Variants in HMCN1 observed in about 807,000 individuals in gnomAD.
HMCN1 encodes hemicentin 1, also known as hemicentin-1.
Under a neutral mutation model 625.9 loss-of-function variants are expected in HMCN1, and 321 were observed. The ratio of observed to expected loss-of-function variants is 0.51; its 90% CI spans 0.47 to 0.56. HMCN1 has a LOEUF of 0.56. HMCN1 is among the 20% of genes least tolerant of loss of function. The probability of loss-of-function intolerance (pLI) is 0.00; values close to 1 mark genes in which losing one functional copy is unlikely to be tolerated. For missense variants in HMCN1, 6,588 were observed against 6,887.3 expected, an observed-to-expected ratio of 0.96 and a Z score of 1.54; for synonymous variants, 2,425 against 2,417.6, an observed-to-expected ratio of 1.00 and a Z score of -0.09.
At chr1:185,874,979 G>T (rs951992159) in intron 4 of HMCN1, among the ~76,000 whole-genome samples, 2 of 151,564 alleles carry the variant, frequency 1.3e-5, no homozygotes, top group African/African-American at 4.8e-5. Flanking sequence ...ACAAATTAAT[G>T]CAGTAATATT....
At chr1:186,055,697 T>A (rs374362970) in intron 45 of HMCN1, 23 bp downstream of exon 45, 9 of 1,609,590 alleles carry the variant, frequency 5.6e-6, no homozygotes, top group Non-Finnish European at 7.6e-6. Context: ...AGGCTCAATA[T>A]GTCCATTCAC....
Position 186,016,968 on chromosome 1 carries a change from C to T in HMCN1, c.5197C>T (p.Pro1733Ser). The T allele has an allele frequency of 6.3e-7, 1 of 1,579,064 alleles. No homozygotes were observed. The highest frequency in any genetic ancestry group is 1.3e-5 in the African/African-American group (1 of 74,268). Residue 1733 changes from proline to serine, a missense_variant, in exon 33 of 107, where the codon CCA becomes TCA. Pro to Ser is a moderately conservative substitution (Grantham distance 74, BLOSUM62 -1). Transcript: ENST00000271588. ...ACATTCCTGTTGTTTTCTAGTGCCA[C>T]CAGCTATAGAAGGAGGAGATGAAAC... ...IKYEVDVLVP[P>S]AIEGGDETSY...
chr1:185,750,809 CTGT>C (rs4007591), intron 1 of HMCN1, among the ~76,000 whole-genome samples: 2,381 of 151,090 alleles, frequency 0.016, 62 homozygotes, highest in African/African-American at 0.055. Flanking sequence ...TCTTTTCCTA[CTGT>C]TGAGTTTTTT....
In HMCN1 at chr1:186,156,187, T is replaced by C. The variant is rs192247733; in HGVS notation, c.15256+2200T>C. On this transcript the variant is annotated intron_variant, in intron 97 of 106. Transcript: ENST00000271588. Reference sequence around the variant, plus strand: ...CAGAGTATCAGAAATTATGCAGGAATATATAAATTTAACTAACTACAGATA... The same window carrying C: ...CAGAGTATCAGAAATTATGCAGGAACATATAAATTTAACTAACTACAGATA... Among the ~76,000 whole-genome samples, 20 of 152,206 alleles carry C rather than the reference T, an allele frequency of 1.3e-4. No homozygotes were observed. In the East Asian group the frequency reaches 3.9e-3, roughly 29 times the overall value.
chr1:186,091,763 T>C (rs1316040486), intron 64 of HMCN1, among the ~76,000 whole-genome samples: 1 of 152,082 alleles, frequency 6.6e-6, no homozygotes, highest in Non-Finnish European at 1.5e-5. Flanking sequence ...ACTACATGTA[T>C]TGTAAACTTT....
intron 30 of HMCN1, 124 bp downstream of exon 30, chr1:186,007,406 A>AGCTCCTTCTTCTCTT: frequency 5.9e-6 from 5 of 848,906 alleles, no homozygotes; most frequent in Non-Finnish European, 9.5e-6. Context: ...CTTCAAGAGA[A>AGCTCCTTCTTCTCTT]GAAGGAGCTT....
In HMCN1 at chr1:185,994,802, T is replaced by C; in HGVS notation, c.3506-13T>C. ...TGAAAGTTGGATTATTAATACCCAGTTATTATTTCTAGTTCCTCCAAAGAT... is the reference window on the plus strand; with the variant it reads ...TGAAAGTTGGATTATTAATACCCAGCTATTATTTCTAGTTCCTCCAAAGAT... On this transcript the variant is annotated splice_polypyrimidine_tract_variant and intron_variant, in intron 23 of 106. Coordinates refer to ENST00000271588, the MANE Select transcript of HMCN1 (RefSeq NM_031935.3). 3 of 1,612,026 alleles carry C rather than the reference T, an allele frequency of 1.9e-6. No individual in the cohort carries two copies. The highest frequency in any genetic ancestry group is 2.5e-6 in the Non-Finnish European group (3 of 1,178,336).
At chr1:185,793,439 T>C (rs994964845) in intron 1 of HMCN1, among the ~76,000 whole-genome samples, 3 of 152,202 alleles carry the variant, frequency 2.0e-5, no homozygotes, top group Non-Finnish European at 4.4e-5. Flanking sequence ...AGGTCTCTTG[T>C]GATTACTTTG....
At chr1:185,939,825 C>A (rs890705387) in intron 11 of HMCN1, among the ~76,000 whole-genome samples, 3 of 151,858 alleles carry the variant, frequency 2.0e-5, no homozygotes, top group South Asian at 2.1e-4. Flanking sequence ...CACAAATTAA[C>A]AAATAATGCC....
At chr1:186,101,126 G>T (rs192068170) in intron 68 of HMCN1, among the ~76,000 whole-genome samples, 120 of 151,882 alleles carry the variant, frequency 7.9e-4, no homozygotes, top group African/African-American at 2.8e-3. Context: ...TAATCAGAAA[G>T]AAATCAGTAA....
chr1:186,043,758 C>T (rs1656364919), intron 40 of HMCN1, among the ~76,000 whole-genome samples: 1 of 152,104 alleles, frequency 6.6e-6, no homozygotes, highest in East Asian at 1.9e-4. Flanking sequence ...AATCTGTTTT[C>T]ATGGCATCTT....
rs548874568 is a variant in HMCN1 at position 186,153,461 on chromosome 1, A to T, written c.15019-289A>T. Among the ~76,000 whole-genome samples, 266 of 152,338 alleles carry T rather than the reference A, an allele frequency of 1.7e-3. 5 individuals carry two copies. Among genetic ancestry groups the T allele is most frequent in the Middle Eastern group, 6.8e-3 (2 of 294 alleles). On this transcript the variant is annotated intron_variant, in intron 96 of 106. Coordinates refer to ENST00000271588, the MANE Select transcript of HMCN1 (RefSeq NM_031935.3). Reference sequence around the variant, plus strand: ...TCCACATTCAGATCCTCATTCCGCCACTTTGTACCAATGTAATGATGAGAA... The same window carrying T: ...TCCACATTCAGATCCTCATTCCGCCTCTTTGTACCAATGTAATGATGAGAA...
At chr1:186,136,125 G>A (rs1362082258) in intron 86 of HMCN1, among the ~76,000 whole-genome samples, 1 of 151,954 alleles carries the variant, frequency 6.6e-6, no homozygotes, top group African/African-American at 2.4e-5. Flanking sequence ...GCAGTGAGCC[G>A]AGATTGTGCC....
intron 11 of HMCN1, among the ~76,000 whole-genome samples, chr1:185,956,286 C>T (rs973406186): frequency 2.0e-5 from 3 of 152,082 alleles, no homozygotes; most frequent in African/African-American, 4.8e-5. Flanking sequence ...CTAGATCCCA[C>T]AGATTGAAGG....
intron 4 of HMCN1, among the ~76,000 whole-genome samples, chr1:185,891,202 T>A (rs1665054683): frequency 7.3e-6 from 1 of 136,932 alleles, no homozygotes; most frequent in Non-Finnish European, 1.5e-5. Context: ...AGCCTATGTG[T>A]GTCTCAGCAC....
At chr1:185,883,555 G>C (rs1338003029) in intron 4 of HMCN1, among the ~76,000 whole-genome samples, 1 of 151,934 alleles carries the variant, frequency 6.6e-6, no homozygotes, top group Non-Finnish European at 1.5e-5. Flanking sequence ...ATTTACCCAA[G>C]TTATTGTGTG....
intron 81 of HMCN1, 81 bp from the exon 82 acceptor site, chr1:186,125,523 T>C: frequency 9.1e-7 from 1 of 1,101,464 alleles, no homozygotes; most frequent in Non-Finnish European, 1.4e-6. Flanking sequence ...GAAAAGAGTT[T>C]TTTATGTGTT....
At chr1:186,161,071 C>T (rs145843727) in intron 97 of HMCN1, among the ~76,000 whole-genome samples, 2 of 152,120 alleles carry the variant, frequency 1.3e-5, no homozygotes, top group Non-Finnish European at 2.9e-5. Flanking sequence ...CTTTCTAGGT[C>T]TCTAAGGACT....
chr1:185,778,472 A>T (rs1656784969), intron 1 of HMCN1, among the ~76,000 whole-genome samples: 2 of 147,918 alleles, frequency 1.4e-5, no homozygotes, highest in Admixed American at 6.7e-5. Flanking sequence ...CATTAGATAT[A>T]TCTCCTAATG....
Sources: gnomAD v4.1 joint callset for allele counts (sites outside exome capture counted in the v4.1 genomes callset) on GRCh38, gnomAD v4.1.1 for gene constraint, MANE v1.5 for transcripts, NCBI Gene and HGNC (gene_info 2026-07-23, HGNC 2026-07-21) for gene names.